Variants in DPP10 observed in about 807,000 individuals in gnomAD.
DPP10 encodes inactive dipeptidyl peptidase 10.
A neutral mutation model predicts 120.9 loss-of-function variants in DPP10; 33 were observed. The observed-to-expected ratio is 0.27, with a 90% CI of 0.21 to 0.37. The LOEUF (loss-of-function observed/expected upper bound fraction) is 0.37. DPP10 is among the 10% of genes least tolerant of loss of function. The pLI is 1.00. For synonymous variants in DPP10, 337 were observed against 326.1 expected (o/e 1.03, Z -0.36); for missense variants, 816 against 942.8 (o/e 0.87, Z 1.76).
At chr2:115,291,372 C>T (rs1324891015) in intron 1 of DPP10, among the ~76,000 whole-genome samples, 1 of 152,056 alleles carries the variant, frequency 6.6e-6, no homozygotes, top group Non-Finnish European at 1.5e-5. Context: ...ATTAATAGAA[C>T]ATTATTAAAT....
At chr2:115,690,221 C>T (rs2091238863) in intron 7 of DPP10, among the ~76,000 whole-genome samples, 1 of 152,072 alleles carries the variant, frequency 6.6e-6, no homozygotes, top group South Asian at 2.1e-4. Context: ...CTTTCCATTA[C>T]ATAATATTGT....
At chr2:115,786,538 G>T (rs933952787) in intron 17 of DPP10, among the ~76,000 whole-genome samples, 1 of 151,944 alleles carries the variant, frequency 6.6e-6, no homozygotes, top group African/African-American at 2.4e-5. Flanking sequence ...AAGAAAACTG[G>T]ACAAAATATA....
intron 1 of DPP10, among the ~76,000 whole-genome samples, chr2:115,104,193 T>C (rs2048836705): frequency 7.8e-6 from 1 of 127,508 alleles, no homozygotes; most frequent in South Asian, 2.6e-4. Context: ...TTTTTTTTTT[T>C]TGTAAGAGAC....
chr2:115,050,745 T>C (rs1705414413), intron 1 of DPP10, among the ~76,000 whole-genome samples: 1 of 152,176 alleles, frequency 6.6e-6, no homozygotes, highest in African/African-American at 2.4e-5. Flanking sequence ...ACCTTCGGTC[T>C]CTGCGCTGGC....
intron 5 of DPP10, among the ~76,000 whole-genome samples, chr2:115,536,533 A>G (rs1474487086): frequency 1.3e-5 from 2 of 152,000 alleles, no homozygotes; most frequent in Non-Finnish European, 2.9e-5. Context: ...ATGGGATTAT[A>G]TATTTTTTAC....
At chr2:114,954,693 C>T (rs1698073934) in intron 1 of DPP10, among the ~76,000 whole-genome samples, 1 of 151,492 alleles carries the variant, frequency 6.6e-6, no homozygotes, top group South Asian at 2.1e-4. Context: ...AAAGATAAAC[C>T]AAGTTGATAT....
chr2:114,481,919 A>G (rs1681083201), intron 1 of DPP10, among the ~76,000 whole-genome samples: 1 of 150,560 alleles, frequency 6.6e-6, no homozygotes, highest in African/African-American at 2.5e-5. Context: ...GAGAAGGAGG[A>G]GAAGGAAGAG....
intron 1 of DPP10, among the ~76,000 whole-genome samples, chr2:114,695,822 T>C (rs1415156671): frequency 2.0e-5 from 3 of 152,118 alleles, no homozygotes; most frequent in African/African-American, 7.2e-5. Context: ...ACTGAACCTA[T>C]GCTGTGATGC....
At chr2:115,374,566 TC>T (rs1424832278) in intron 3 of DPP10, among the ~76,000 whole-genome samples, 1 of 152,220 alleles carries the variant, frequency 6.6e-6, no homozygotes, top group Non-Finnish European at 1.5e-5. Flanking sequence ...GTATGGGTGT[TC>T]CAGCCTCACA....
At position 115,174,284 on chromosome 2, in the gene DPP10, A is replaced by T. The variant is rs543595710; in HGVS notation, c.61-134955A>T. 1.1e-4 allele frequency among the ~76,000 whole-genome samples: 17 copies of T among 152,322 alleles called. No individual in the cohort carries two copies. In the South Asian group the frequency reaches 3.3e-3, roughly 30 times the overall value. ...TCGCTTTCAATGTACATGTTTCCAA[A>T]TGAGAAAATGTGGTTCTCGTATAAG... On this transcript the variant is annotated intron_variant, in intron 1 of 25. Coordinates refer to ENST00000410059, the MANE Select transcript of DPP10 (RefSeq NM_020868.6).
chr2:114,698,821 A>G (rs778871495), intron 1 of DPP10, among the ~76,000 whole-genome samples: 5 of 152,126 alleles, frequency 3.3e-5, no homozygotes, highest in Non-Finnish European at 7.4e-5. Flanking sequence ...GGTGCATTCA[A>G]ATGAATAAAA....
At chr2:115,395,606 G>C (rs1010006575) in intron 3 of DPP10, among the ~76,000 whole-genome samples, 7 of 152,124 alleles carry the variant, frequency 4.6e-5, no homozygotes, top group Non-Finnish European at 1.0e-4. Context: ...CTCCAGTGAA[G>C]ACCTACTGTT....
intron 3 of DPP10, among the ~76,000 whole-genome samples, chr2:115,495,816 T>C (rs1322324966): frequency 1.3e-5 from 2 of 152,170 alleles, no homozygotes; most frequent in African/African-American, 4.8e-5. Flanking sequence ...GAGTCGAATG[T>C]GTGTTCAGAA....
At chr2:114,568,595 T>A (rs1290103417) in intron 1 of DPP10, among the ~76,000 whole-genome samples, 1 of 152,216 alleles carries the variant, frequency 6.6e-6, no homozygotes, top group African/African-American at 2.4e-5. Context: ...TCCTCGGATC[T>A]GACCTGTTTG....
chr2:115,114,700 A>C (rs2049408663), intron 1 of DPP10, among the ~76,000 whole-genome samples: 1 of 152,192 alleles, frequency 6.6e-6, no homozygotes, highest in African/African-American at 2.4e-5. Flanking sequence ...GATAACATTG[A>C]AAAATGTCCA....
chr2:114,764,842 G>T (rs547540774), intron 1 of DPP10, among the ~76,000 whole-genome samples: 7 of 152,254 alleles, frequency 4.6e-5, no homozygotes, highest in African/African-American at 1.7e-4. Context: ...TGCAATTTAT[G>T]AATGCAATTT....
chr2:115,554,675 A>G (rs961885833), intron 5 of DPP10, among the ~76,000 whole-genome samples: 1 of 152,090 alleles, frequency 6.6e-6, no homozygotes, highest in African/African-American at 2.4e-5. Context: ...TCTTAAGCAC[A>G]CATACACCAA....
chr2:115,525,921 T>G lies in DPP10; in HGVS notation c.390T>G (p.His130Gln). 6.2e-7 allele frequency: 1 copy of G among 1,609,744 alleles called. No individual in the cohort carries two copies. Among genetic ancestry groups the G allele is most frequent in the Non-Finnish European group, 8.5e-7 (1 of 1,178,330 alleles). Reference protein sequence around the residue: ...TTFVTFKASRHSVSPDLKYVL... With the variant: ...TTFVTFKASRQSVSPDLKYVL... ...AGGTAACCTTCAAAGCATCAAGACA[T>G]TCAGTTTCACCAGATTTAAAATATG... is the stretch of plus-strand genomic sequence containing the variant. Residue 130 changes from histidine (H) to glutamine (Q), a missense_variant, in exon 5 of 26, where the codon CAT becomes CAG. His to Gln is a conservative substitution (Grantham distance 24). Transcript: ENST00000410059.
chr2:114,607,361 T>G (rs2105263383), intron 1 of DPP10, among the ~76,000 whole-genome samples: 1 of 152,244 alleles, frequency 6.6e-6, no homozygotes, highest in East Asian at 1.9e-4. Flanking sequence ...GGCAGATTTA[T>G]GGGTGTTTAT....
Sources: gnomAD v4.1 joint callset for allele counts (sites outside exome capture counted in the v4.1 genomes callset) on GRCh38, gnomAD v4.1.1 for gene constraint, MANE v1.5 for transcripts, NCBI Gene and HGNC (gene_info 2026-07-23, HGNC 2026-07-21) for gene names.